EFCAB6: variants seen among roughly 807,000 people sequenced by gnomAD.
EFCAB6 encodes EF-hand calcium binding domain 6.
Under a neutral mutation model 169.8 loss-of-function variants are expected in EFCAB6, and 156 were observed. The observed-to-expected ratio is 0.92, with a 90% CI of 0.81 to 1.05. The LOEUF is 1.05. Ranked by LOEUF, EFCAB6 falls within the 50% of genes least tolerant of loss-of-function variation. The pLI is 0.00. For synonymous variants in EFCAB6, 698 were observed against 676.4 expected, an observed-to-expected ratio of 1.03 and a Z score of -0.50; for missense variants, 1,800 against 1,829.1, an observed-to-expected ratio of 0.98 and a Z score of 0.29.
intron 2 of EFCAB6, chr22:43,797,370 A>C (rs973019158): frequency 3.9e-5 from 6 of 152,598 alleles, no homozygotes; most frequent in African/African-American, 1.4e-4. Flanking sequence ...TAAGAGAGCA[A>C]TGGGGTTAGC....
intron 23 of EFCAB6, among the ~76,000 whole-genome samples, chr22:43,594,631 T>C (rs528089387): frequency 7.2e-5 from 11 of 152,268 alleles, no homozygotes; most frequent in East Asian, 5.8e-4. Context: ...CACCCAAATA[T>C]GTAAAGCAAA....
At chr22:43,582,363 C>CACACAT (rs1235368543) in intron 24 of EFCAB6, among the ~76,000 whole-genome samples, 1 of 151,958 alleles carries the variant, frequency 6.6e-6, no homozygotes, top group African/African-American at 2.4e-5. Context: ...CACACACACA[C>CACACAT]ACACATACAC....
intron 20 of EFCAB6, among the ~76,000 whole-genome samples, chr22:43,623,621 C>G (rs537170288): frequency 4.0e-5 from 6 of 151,604 alleles, no homozygotes; most frequent in South Asian, 4.2e-4. Flanking sequence ...TCCGGCCAGG[C>G]GCGGTGGCTC....
At chr22:43,592,483 A>G (rs1368785013) in intron 23 of EFCAB6, among the ~76,000 whole-genome samples, 1 of 152,256 alleles carries the variant, frequency 6.6e-6, no homozygotes, top group East Asian at 1.9e-4. Context: ...TATTTTTAGA[A>G]AATTGAAGCA....
chr22:43,736,037 T>A, intron 6 of EFCAB6, 44 bp from the exon 7 acceptor site: 1 of 1,531,398 alleles, frequency 6.5e-7, no homozygotes, highest in Non-Finnish European at 8.8e-7. Flanking sequence ...AGATCTAGTG[T>A]TAGGAACCAA....
chr22:43,647,150 CAAAT>C (rs1478467904), intron 17 of EFCAB6, among the ~76,000 whole-genome samples: 1 of 90,014 alleles, frequency 1.1e-5, no homozygotes, highest in Non-Finnish European at 2.0e-5. Context: ...TATACAAAAA[CAAAT>C]AAAATTCTTG....
chr22:43,553,540 T>A (rs1018645206), intron 27 of EFCAB6: 1 of 152,362 alleles, frequency 6.6e-6, no homozygotes, highest in Non-Finnish European at 1.5e-5. Flanking sequence ...TTCAGCAGCA[T>A]GTACTGAGCA....
At chr22:43,787,126 CAA>C (rs1485633700) in intron 2 of EFCAB6, among the ~76,000 whole-genome samples, 1 of 151,956 alleles carries the variant, frequency 6.6e-6, no homozygotes, top group Non-Finnish European at 1.5e-5. Context: ...GGTGAATGAC[CAA>C]AAGTTTTCTC....
intron 4 of EFCAB6, among the ~76,000 whole-genome samples, chr22:43,768,111 A>G (rs1312918665): frequency 6.6e-6 from 1 of 152,190 alleles, no homozygotes; most frequent in Non-Finnish European, 1.5e-5. Context: ...TCTGGAATCA[A>G]TTTACCAATT....
chr22:43,593,756 C>G (rs1320842471), intron 23 of EFCAB6, among the ~76,000 whole-genome samples: 5 of 152,108 alleles, frequency 3.3e-5, no homozygotes, highest in Non-Finnish European at 7.4e-5. Context: ...GGTGGTGGGA[C>G]AGAGAGTGAA....
intron 11 of EFCAB6, 60 bp downstream of exon 11, chr22:43,687,411 A>G (rs1222631721): frequency 1.0e-6 from 1 of 1,002,336 alleles, no homozygotes; most frequent in Non-Finnish European, 1.4e-6. Context: ...ATATTCTCTG[A>G]TATTTTACAT....
At chr22:43,588,129 T>C (rs534937907) in intron 24 of EFCAB6, among the ~76,000 whole-genome samples, 41 of 152,336 alleles carry the variant, frequency 2.7e-4, no homozygotes, top group African/African-American at 8.9e-4. Flanking sequence ...GATACTGACA[T>C]TGGGGGCCCC....
intron 19 of EFCAB6, among the ~76,000 whole-genome samples, chr22:43,627,024 GT>G (rs1409016847): frequency 6.6e-6 from 1 of 152,158 alleles, no homozygotes; most frequent in African/African-American, 2.4e-5. Flanking sequence ...AGTACTGGAG[GT>G]TTCTGCTCGC....
At chr22:43,574,618 C>T (rs995468830) in intron 26 of EFCAB6, among the ~76,000 whole-genome samples, 2 of 149,358 alleles carry the variant, frequency 1.3e-5, no homozygotes, top group African/African-American at 2.5e-5. Context: ...CAATGTCTCC[C>T]ATGAATATGT....
chr22:43,550,794 G>A (rs2048335799), intron 27 of EFCAB6, among the ~76,000 whole-genome samples: 1 of 151,954 alleles, frequency 6.6e-6, no homozygotes, highest in African/African-American at 2.4e-5. Context: ...AGAGGCCCTT[G>A]CTGTGGGTCT....
chr22:43,675,137 T>A (rs1394190870), intron 13 of EFCAB6, among the ~76,000 whole-genome samples: 2 of 148,864 alleles, frequency 1.3e-5, no homozygotes, highest in Non-Finnish European at 3.0e-5. Context: ...AGGAATTTTA[T>A]ATATATTATA....
At chr22:43,806,328 C>T (rs1322326532) in intron 2 of EFCAB6, among the ~76,000 whole-genome samples, 2 of 151,726 alleles carry the variant, frequency 1.3e-5, no homozygotes, top group Admixed American at 6.6e-5. Flanking sequence ...TGGCTCACTG[C>T]AGCCTCACCT....
At chr22:43,798,939 G>T (rs896641043) in intron 2 of EFCAB6, among the ~76,000 whole-genome samples, 2 of 152,006 alleles carry the variant, frequency 1.3e-5, no homozygotes, top group African/African-American at 4.8e-5. Context: ...ATCACTTCTG[G>T]GTCTCCAACT....
rs781281083 is a variant in EFCAB6, at chr22:43,540,406, C to T, written c.3649-49G>A. ...TCCCAGGTGTCAGTGCAAACACAGG[C>T]AGCGTCGCACCTGTGCCAGCGAGAA... On this transcript the variant is annotated intron_variant, in intron 27 of 31. Transcript: ENST00000262726. The T allele has an allele frequency of 3.7e-6, 6 of 1,609,722 alleles. No individual in the cohort carries two copies. The Admixed American group carries it at 1.0e-4, about 27-fold the overall frequency.
Sources: gnomAD v4.1 joint callset for allele counts (sites outside exome capture counted in the v4.1 genomes callset) on GRCh38, gnomAD v4.1.1 for gene constraint, MANE v1.5 for transcripts, NCBI Gene and HGNC (gene_info 2026-07-23, HGNC 2026-07-21) for gene names.